The following PIWIL3 variants were observed in gnomAD, a reference collection of about 807,000 sequenced individuals.
The protein encoded by PIWIL3 is piwi-like protein 3.
PIWIL3 carries 101 observed loss-of-function variants against 109.7 expected under a neutral mutation model. The observed-to-expected ratio is 0.92, with a 90% CI of 0.78 to 1.09. PIWIL3 has a LOEUF of 1.09. Ranked by LOEUF, PIWIL3 falls within the 50% of genes least tolerant of loss-of-function variation. The pLI, the probability that PIWIL3 is intolerant of heterozygous loss-of-function variation, is 0.00. For missense variants in PIWIL3, 1,031 were observed against 1,072.6 expected (o/e 0.96, Z 0.54); for synonymous variants, 373 against 376.4 (o/e 0.99, Z 0.10).
chr22:24,723,776 GTGATTCTCA>G (rs1922822135), intron 18 of PIWIL3, among the ~76,000 whole-genome samples: 1 of 152,144 alleles, frequency 6.6e-6, no homozygotes, highest in South Asian at 2.1e-4. Context: ...CCAAGTTCAA[GTGATTCTCA>G]TGGCTCAGCC....
At chr22:24,756,057 T>A in intron 5 of PIWIL3, 152 bp from the exon 6 acceptor site, 2 of 806,532 alleles carry the variant, frequency 2.5e-6, no homozygotes, top group Non-Finnish European at 3.9e-6. Context: ...GTGGAAAACA[T>A]GATTCACAAG....
At chr22:24,732,221 GAT>G (rs1288774278) in intron 14 of PIWIL3, among the ~76,000 whole-genome samples, 2 of 152,166 alleles carry the variant, frequency 1.3e-5, no homozygotes, top group Non-Finnish European at 2.9e-5. Flanking sequence ...CACATGGCTT[GAT>G]TCCTAGTTAC....
At chr22:24,726,020 C>A (rs1922973393) in intron 16 of PIWIL3, among the ~76,000 whole-genome samples, 1 of 152,190 alleles carries the variant, frequency 6.6e-6, no homozygotes, top group Admixed American at 6.5e-5. Context: ...CCCCATCTGA[C>A]CACCTGACAT....
In PIWIL3 at chr22:24,719,504, G is replaced by C. The variant is rs754966010; in HGVS notation, c.2590C>G (p.Arg864Gly). ...VGQSIHQEPNRSLSTRLFYL is the reference protein window; with the variant it reads ...VGQSIHQEPNGSLSTRLFYL ...TAAAAGAGACGAGTTGACAAGGAAC[G>C]ATTCGGTTCCTGGTGAATGGACTGC... Residue 864 changes from arginine (R) to glycine (G), a missense_variant, in exon 21 of 21, where the codon CGT (arginine) becomes GGT (glycine). Coordinates refer to ENST00000616349, the MANE Select transcript of PIWIL3 (RefSeq NM_001255975.1). The C allele has an allele frequency of 6.2e-7, 1 of 1,600,090 alleles. No homozygotes were observed. The highest frequency in any genetic ancestry group is 1.8e-5 in the Admixed American group (1 of 56,120).
rs1345075333 is a variant in PIWIL3, at chr22:24,774,651, C to CA, written c.-353dup. Reference sequence around the variant, plus strand: ...TGAAACCCTATCTCTACTAAAAATACAAAAAATTAGCCGGGCGTGGTGGCG... The same window carrying CA: ...TGAAACCCTATCTCTACTAAAAATACAAAAAAATTAGCCGGGCGTGGTGGCG... On this transcript the variant is annotated 5_prime_UTR_variant, in exon 1 of 21. Transcript: ENST00000616349. 6.6e-6 allele frequency: 1 copy of CA among 151,054 alleles called. No individual in the cohort carries two copies. Among genetic ancestry groups the CA allele is most frequent in the Non-Finnish European group, 1.5e-5 (1 of 67,890 alleles). 9.4% of individuals were successfully genotyped at this position (151,054 alleles called of 1,614,324 possible). A position where few individuals can be genotyped will look rare whatever the true frequency, so the allele number is the denominator to read the frequency against.
At chr22:24,741,626 A>G (rs1030570573) in intron 12 of PIWIL3, among the ~76,000 whole-genome samples, 1 of 142,658 alleles carries the variant, frequency 7.0e-6, no homozygotes, top group Admixed American at 6.7e-5. Flanking sequence ...AAATAGAAAC[A>G]TAAGTTAAAA....
Position 24,757,973 on chromosome 22 carries a change from C to T in PIWIL3, c.290G>A (p.Gly97Glu), listed in dbSNP as rs1330214532. Residue 97 changes from glycine (G) to glutamate (E), a missense_variant, in exon 4 of 21, where the codon GGA becomes GAA. Gly to Glu is a moderately conservative substitution (Grantham distance 98). Coordinates refer to ENST00000616349, the MANE Select transcript of PIWIL3 (RefSeq NM_001255975.1). ...GTTCACCACCAGGTCTTGAAAAACT[C>T]CACCAATCCTTCTCTCCTGCAAGGG... ...TAPLQERRIG[G>E]VFQDLVVNTR... 1.9e-6 allele frequency: 3 copies of T among 1,613,850 alleles called. No individual in the cohort carries two copies. Among genetic ancestry groups the T allele is most frequent in the Non-Finnish European group, 2.5e-6 (3 of 1,179,946 alleles).
chr22:24,764,239 T>C (rs1925649896), intron 1 of PIWIL3, among the ~76,000 whole-genome samples: 1 of 152,242 alleles, frequency 6.6e-6, no homozygotes, highest in African/African-American at 2.4e-5. Flanking sequence ...ACTCAAGAGA[T>C]GCCGCGAAGT....
chr22:24,737,776 TGGACCTTAAGG>T (rs1923748738), intron 12 of PIWIL3, among the ~76,000 whole-genome samples: 1 of 152,152 alleles, frequency 6.6e-6, no homozygotes, highest in East Asian at 1.9e-4. Context: ...GAAGAGCCCA[TGGACCTTAAGG>T]GAACAGTGGT....
chr22:24,756,152 AT>A (rs1925017616), intron 5 of PIWIL3, among the ~76,000 whole-genome samples: 1 of 152,176 alleles, frequency 6.6e-6, no homozygotes, highest in African/African-American at 2.4e-5. Flanking sequence ...TAATATAAAA[AT>A]TTAAAGAAGA....
At chr22:24,769,865 A>T (rs1305658728) in intron 1 of PIWIL3, 1 of 152,110 alleles carries the variant, frequency 6.6e-6, no homozygotes. Context: ...AAAGAAAAAA[A>T]AATCCCCAAA....
At chr22:24,737,903 G>A (rs1289238579) in intron 12 of PIWIL3, among the ~76,000 whole-genome samples, 1 of 152,182 alleles carries the variant, frequency 6.6e-6, no homozygotes, top group Admixed American at 6.5e-5. Context: ...GCTCACGCCT[G>A]GAATCCCAGG....
At chr22:24,736,111 G>C (rs1923643516) in intron 12 of PIWIL3, among the ~76,000 whole-genome samples, 1 of 152,176 alleles carries the variant, frequency 6.6e-6, no homozygotes, top group Non-Finnish European at 1.5e-5. Flanking sequence ...TTGCAGGGGA[G>C]ATGGCTCCAG....
At chr22:24,745,011 GACAA>G (rs1486584911) in intron 12 of PIWIL3, among the ~76,000 whole-genome samples, 3 of 152,082 alleles carry the variant, frequency 2.0e-5, no homozygotes, top group South Asian at 2.1e-4. Flanking sequence ...ACATTCAAAA[GACAA>G]ACAAAGCATC....
At chr22:24,751,567 G>T in intron 8 of PIWIL3, 69 bp from the exon 9 acceptor site, 3 of 1,560,972 alleles carry the variant, frequency 1.9e-6, no homozygotes, top group Non-Finnish European at 2.6e-6. Context: ...ACAGAAAATA[G>T]ACATTTTTAA....
chr22:24,741,341 T>C lies in PIWIL3; in HGVS notation c.1450-5449A>G, dbSNP rs573061675. Among the ~76,000 whole-genome samples the C allele has an allele frequency of 1.6e-4, 24 of 152,186 alleles. No homozygotes were observed. In the South Asian group the frequency reaches 3.3e-3, roughly 21 times the overall value. On this transcript the variant is annotated intron_variant, in intron 12 of 20. Transcript: ENST00000616349. Reference sequence around the variant, plus strand: ...CATCCTGGCTAACATGGTGAAACCCTGTCTCTACTAAAAATTAGCCGGGCC... The same window carrying C: ...CATCCTGGCTAACATGGTGAAACCCCGTCTCTACTAAAAATTAGCCGGGCC...
intron 6 of PIWIL3, among the ~76,000 whole-genome samples, chr22:24,755,205 C>T (rs1289281943): frequency 5.9e-5 from 9 of 152,202 alleles, no homozygotes; most frequent in Non-Finnish European, 1.3e-4. Flanking sequence ...TCACTGAAAC[C>T]TCCACCTCCT....
chr22:24,754,738 C>T (rs750874203), intron 7 of PIWIL3, 46 bp downstream of exon 7: 1 of 1,443,644 alleles, frequency 6.9e-7, no homozygotes, highest in South Asian at 1.2e-5. Context: ...TCAAAAAATC[C>T]TACGTTTAAG....
In PIWIL3 at chr22:24,751,453, C is replaced by T. The variant is rs368709401; in HGVS notation, c.1023G>A (p.Gln341=). Residue 341 remains glutamine (Q), a synonymous_variant, in exon 9 of 21, where the codon CAG becomes CAA. Coordinates refer to ENST00000616349, the MANE Select transcript of PIWIL3 (RefSeq NM_001255975.1). ...ATTTGTTAAATGTGTCTTCAGGATT[C>T]TGCTTCCAATCAATATCATCTACTC... ...TYRVDDIDWK[Q]NPEDTFNKSD... is the part of the protein sequence containing the mutation. The T allele has an allele frequency of 8.0e-5, 129 of 1,613,830 alleles. No individual in the cohort carries two copies. The highest frequency in any genetic ancestry group is 1.0e-4 in the Non-Finnish European group (123 of 1,179,982).
Sources: gnomAD v4.1 joint callset for allele counts (sites outside exome capture counted in the v4.1 genomes callset) on GRCh38, gnomAD v4.1.1 for gene constraint, MANE v1.5 for transcripts, NCBI Gene and HGNC (gene_info 2026-07-23, HGNC 2026-07-21) for gene names.